LRRK2: variants seen among roughly 807,000 people sequenced by gnomAD.
LRRK2 encodes the protein leucine rich repeat kinase 2.
LRRK2 carries 203 observed loss-of-function variants against 302.6 expected under a neutral mutation model. The ratio of observed to expected loss-of-function variants is 0.67; its 90% CI spans 0.60 to 0.75. LRRK2 has a LOEUF of 0.75. Among genes scored for constraint, LRRK2 ranks in the 30% least tolerant of loss-of-function variants. The pLI, the probability that LRRK2 is intolerant of heterozygous loss-of-function variation, is 0.00. For synonymous variants in LRRK2, 1,066 were observed against 1,031.9 expected (o/e 1.03, Z -0.63); for missense variants, 2,830 against 2,951.0 (o/e 0.96, Z 0.95).
chr12:40,303,413 T>C (rs1206779213), intron 26 of LRRK2, among the ~76,000 whole-genome samples: 1 of 152,114 alleles, frequency 6.6e-6, no homozygotes, highest in Non-Finnish European at 1.5e-5. Flanking sequence ...ATATCATACA[T>C]GATAAACCAA....
At chr12:40,310,732 C>T in intron 31 of LRRK2, 83 bp downstream of exon 31, 2 of 1,390,266 alleles carry the variant, frequency 1.4e-6, no homozygotes, top group South Asian at 1.2e-5. Context: ...AAGTGAGCAA[C>T]TCACTTAAAA....
intron 49 of LRRK2, chr12:40,365,908 A>G (rs1946865105): frequency 1.3e-5 from 2 of 151,976 alleles, no homozygotes; most frequent in African/African-American, 4.8e-5. Flanking sequence ...ATACATGTCC[A>G]CACAAGCAGA....
intron 44 of LRRK2, among the ~76,000 whole-genome samples, chr12:40,353,133 C>T (rs535320576): frequency 3.2e-4 from 48 of 151,990 alleles, no homozygotes; most frequent in Admixed American, 1.9e-3. Context: ...GGAGACGCTC[C>T]TCACTTCCCA....
At chr12:40,256,609 A>G (rs1207741151) in intron 11 of LRRK2, among the ~76,000 whole-genome samples, 2 of 152,208 alleles carry the variant, frequency 1.3e-5, no homozygotes, top group Non-Finnish European at 2.9e-5. Flanking sequence ...CTTATGTTCT[A>G]TGTAAATGCT....
intron 50 of LRRK2, 34 bp from the exon 51 acceptor site, chr12:40,367,610 T>G (rs1475410483): frequency 1.3e-6 from 2 of 1,590,326 alleles, no homozygotes; most frequent in Non-Finnish European, 1.7e-6. Context: ...ATGATGGATC[T>G]TTGAAACATG....
chr12:40,250,396 A>G (rs1942202137), intron 8 of LRRK2, among the ~76,000 whole-genome samples: 1 of 152,134 alleles, frequency 6.6e-6, no homozygotes, highest in South Asian at 2.1e-4. Flanking sequence ...AGGCCGAGGC[A>G]GGAGTATCGC....
At chr12:40,349,908 T>C (rs1946303328) in intron 43 of LRRK2, among the ~76,000 whole-genome samples, 1 of 152,248 alleles carries the variant, frequency 6.6e-6, no homozygotes, top group Non-Finnish European at 1.5e-5. Context: ...CTTGCATATC[T>C]TTTGCTGGAT....
intron 3 of LRRK2, among the ~76,000 whole-genome samples, chr12:40,234,454 C>T (rs560994160): frequency 1.6e-4 from 20 of 128,304 alleles, no homozygotes; most frequent in Non-Finnish European, 2.7e-4. Flanking sequence ...TCTCGGCTCA[C>T]TGTAACCTCT....
At chr12:40,295,755 G>A (rs1406298812) in intron 23 of LRRK2, 111 bp downstream of exon 23, 1 of 1,026,018 alleles carries the variant, frequency 9.7e-7, no homozygotes, top group African/African-American at 1.6e-5. Context: ...TGTGTCACTG[G>A]GTGATAAGTC....
At chr12:40,229,177 T>G (rs762749531) in intron 2 of LRRK2, among the ~76,000 whole-genome samples, 154 of 152,200 alleles carry the variant, frequency 1.0e-3, no homozygotes, top group Non-Finnish European at 1.8e-3. Context: ...TCCTTCAGAT[T>G]TCTTTATATT....
intron 39 of LRRK2, among the ~76,000 whole-genome samples, chr12:40,332,865 C>T (rs1311705925): frequency 6.0e-5 from 9 of 149,550 alleles, no homozygotes; most frequent in Admixed American, 5.3e-4. Flanking sequence ...TTAAAAATGT[C>T]TACAGAGCCA....
chr12:40,252,838 A>T (rs1942335400), intron 10 of LRRK2, 72 bp from the exon 11 acceptor site: 1 of 979,714 alleles, frequency 1.0e-6, no homozygotes, highest in South Asian at 1.3e-5. Context: ...GAGATATTTG[A>T]TAATGGCAAG....
chr12:40,322,011 A>T, intron 35 of LRRK2, 24 bp from the exon 36 acceptor site: 1 of 1,612,550 alleles, frequency 6.2e-7, no homozygotes, highest in Non-Finnish European at 8.5e-7. Context: ...GAAGCAGTTA[A>T]TAATTAATGG....
intron 16 of LRRK2, among the ~76,000 whole-genome samples, chr12:40,277,278 C>A (rs1004306510): frequency 6.6e-6 from 1 of 152,124 alleles, no homozygotes; most frequent in African/African-American, 2.4e-5. Context: ...TGGGGATGTG[C>A]TTAAGGTGGT....
intron 20 of LRRK2, among the ~76,000 whole-genome samples, chr12:40,291,449 T>A (rs183155276): frequency 4.8e-4 from 71 of 146,400 alleles, no homozygotes; most frequent in African/African-American, 1.5e-3. Flanking sequence ...TATATATATA[T>A]AAATTTAATT....
At chr12:40,310,260 A>AT (rs1307316404) in intron 30 of LRRK2, among the ~76,000 whole-genome samples, 171 bp from the exon 31 acceptor site, 1 of 151,798 alleles carries the variant, frequency 6.6e-6, no homozygotes, top group South Asian at 2.1e-4. Context: ...GTAAGGTTAC[A>AT]TTTTTTTCTT....
At chr12:40,301,883 C>A (rs79499918) in intron 25 of LRRK2, among the ~76,000 whole-genome samples, 1,937 of 152,146 alleles carry the variant, frequency 0.013, 49 homozygotes, top group African/African-American at 0.044. Context: ...TCCTTCTTAA[C>A]AATTCATAAA....
chr12:40,274,193 A>G (rs1565701289), intron 14 of LRRK2, among the ~76,000 whole-genome samples: 1 of 152,106 alleles, frequency 6.6e-6, no homozygotes, highest in East Asian at 1.9e-4. Context: ...AAGTATGTAG[A>G]CTCTGGGGTG....
At chr12:40,255,352 G>T (rs1265504163) in intron 11 of LRRK2, among the ~76,000 whole-genome samples, 2 of 152,194 alleles carry the variant, frequency 1.3e-5, no homozygotes, top group Non-Finnish European at 2.9e-5. Flanking sequence ...GTCGCATATT[G>T]TTTTTTGCCT....
Sources: allele counts gnomAD v4.1 joint callset (sites outside exome capture counted in the v4.1 genomes callset), GRCh38; gene constraint gnomAD v4.1.1; transcripts MANE v1.5; gene names NCBI Gene and HGNC (gene_info 2026-07-23, HGNC 2026-07-21).